GPC5: variants seen among roughly 807,000 people sequenced by gnomAD.
GPC5 encodes the protein glypican-5.
A neutral mutation model predicts 53.9 loss-of-function variants in GPC5; 47 were observed. The ratio of observed to expected loss-of-function variants is 0.87; its 90% CI spans 0.69 to 1.11. The LOEUF is 1.11. Among genes scored for constraint, GPC5 ranks in the 50% most tolerant of loss-of-function variants. The pLI, the probability that GPC5 is intolerant of heterozygous loss-of-function variation, is 0.00. For missense variants in GPC5, 748 were observed against 713.1 expected (o/e 1.05, Z -0.56); for synonymous variants, 286 against 263.3 (o/e 1.09, Z -0.84).
chr13:92,290,805 A>G (rs1329668419), intron 7 of GPC5, among the ~76,000 whole-genome samples: 1 of 152,170 alleles, frequency 6.6e-6, no homozygotes, highest in Non-Finnish European at 1.5e-5. Context: ...GGAGCCCTTC[A>G]GCCCGCTGCT....
chr13:92,073,427 C>A (rs982336729), intron 6 of GPC5, among the ~76,000 whole-genome samples: 1 of 152,108 alleles, frequency 6.6e-6, no homozygotes, highest in Non-Finnish European at 1.5e-5. Flanking sequence ...TCAGGGTTTC[C>A]AAGGCATTAA....
intron 7 of GPC5, among the ~76,000 whole-genome samples, chr13:92,833,546 C>T (rs1878121614): frequency 1.3e-5 from 2 of 152,114 alleles, no homozygotes; most frequent in African/African-American, 2.4e-5. Context: ...ATCCTCTGCA[C>T]TGTGAAATAT....
intron 3 of GPC5, among the ~76,000 whole-genome samples, chr13:91,718,256 G>T (rs898787850): frequency 6.6e-6 from 1 of 152,022 alleles, no homozygotes. Flanking sequence ...GACTACAGGC[G>T]TCTGCCACCA....
intron 2 of GPC5, among the ~76,000 whole-genome samples, chr13:91,677,575 T>A (rs1404390893): frequency 6.6e-6 from 1 of 152,144 alleles, no homozygotes; most frequent in Non-Finnish European, 1.5e-5. Flanking sequence ...ATCTGTCAAG[T>A]TCTTTTGCAT....
At chr13:92,477,431 A>G (rs540178814) in intron 7 of GPC5, among the ~76,000 whole-genome samples, 16 of 152,194 alleles carry the variant, frequency 1.1e-4, no homozygotes, top group Middle Eastern at 3.4e-3. Flanking sequence ...TATCTGCAGG[A>G]CCTTAGTAAA....
intron 7 of GPC5, among the ~76,000 whole-genome samples, chr13:92,423,636 G>A (rs923390695): frequency 6.6e-6 from 1 of 152,156 alleles, no homozygotes; most frequent in Non-Finnish European, 1.5e-5. Context: ...AAATGCCTTA[G>A]CTAAATGGTA....
At chr13:91,684,304 G>T (rs1271940410) in intron 2 of GPC5, among the ~76,000 whole-genome samples, 1 of 152,002 alleles carries the variant, frequency 6.6e-6, no homozygotes, top group African/African-American at 2.4e-5. Flanking sequence ...CTTTTCCTGA[G>T]ACTCCAATTA....
At chr13:91,975,877 C>G (rs376701887) in intron 6 of GPC5, among the ~76,000 whole-genome samples, 1 of 152,126 alleles carries the variant, frequency 6.6e-6, no homozygotes, top group Non-Finnish European at 1.5e-5. Context: ...AACCCAAATG[C>G]CCAACAATGA....
At chr13:91,767,760 A>C (rs932950271) in intron 5 of GPC5, among the ~76,000 whole-genome samples, 1 of 152,194 alleles carries the variant, frequency 6.6e-6, no homozygotes, top group African/African-American at 2.4e-5. Context: ...GGAAGATAAA[A>C]AGATAAAAGA....
chr13:92,017,632 AAT>A (rs779649371), intron 6 of GPC5, among the ~76,000 whole-genome samples: 16 of 152,172 alleles, frequency 1.1e-4, no homozygotes, highest in Non-Finnish European at 1.8e-4. Context: ...TTCATATAAA[AAT>A]ATGATTCAGT....
chr13:92,563,393 G>T (rs965638446), intron 7 of GPC5, among the ~76,000 whole-genome samples: 2 of 151,748 alleles, frequency 1.3e-5, no homozygotes, highest in African/African-American at 4.8e-5. Flanking sequence ...AGATCCAAAG[G>T]CCATTTTCTA....
intron 7 of GPC5, among the ~76,000 whole-genome samples, chr13:92,565,175 G>A (rs1025449205): frequency 7.9e-5 from 12 of 151,938 alleles, no homozygotes; most frequent in African/African-American, 1.9e-4. Flanking sequence ...TAAAGAATAC[G>A]TAAATATTTT....
chr13:92,166,060 G>A (rs894464161), intron 7 of GPC5, among the ~76,000 whole-genome samples: 10 of 152,156 alleles, frequency 6.6e-5, no homozygotes, highest in South Asian at 2.1e-4. Flanking sequence ...GTATGTGGGC[G>A]AAATAGAAAA....
chr13:91,829,716 A>C (rs1327246158), intron 5 of GPC5, among the ~76,000 whole-genome samples: 1 of 152,050 alleles, frequency 6.6e-6, no homozygotes, highest in Non-Finnish European at 1.5e-5. Context: ...CAGAGTACAA[A>C]AGAGAGAAAT....
At chr13:91,515,413 G>A (rs947289639) in intron 2 of GPC5, among the ~76,000 whole-genome samples, 6 of 152,064 alleles carry the variant, frequency 3.9e-5, no homozygotes, top group Non-Finnish European at 7.4e-5. Flanking sequence ...TTTGTGCCAG[G>A]CATCTTCCTC....
intron 2 of GPC5, among the ~76,000 whole-genome samples, chr13:91,542,128 T>C (rs2029979754): frequency 6.6e-6 from 1 of 152,078 alleles, no homozygotes; most frequent in Non-Finnish European, 1.5e-5. Context: ...AGTATATTGT[T>C]GAGAAAATGT....
chr13:92,710,085 A>T (rs1888083074), intron 7 of GPC5, among the ~76,000 whole-genome samples: 1 of 152,232 alleles, frequency 6.6e-6, no homozygotes, highest in Admixed American at 6.5e-5. Context: ...ATAAGTTTCT[A>T]GCCTGTACAT....
intron 5 of GPC5, among the ~76,000 whole-genome samples, chr13:91,767,010 A>G (rs1042335514): frequency 2.0e-5 from 3 of 152,232 alleles, no homozygotes; most frequent in Admixed American, 2.0e-4. Context: ...ATTTACTTCA[A>G]TGGAAATGAA....
At chr13:91,949,351 A>G (rs2040005023) in intron 6 of GPC5, among the ~76,000 whole-genome samples, 1 of 152,252 alleles carries the variant, frequency 6.6e-6, no homozygotes, top group South Asian at 2.1e-4. Flanking sequence ...AAATGGTTTT[A>G]CCACTACAGT....
Sources: gnomAD v4.1 joint callset for allele counts (sites outside exome capture counted in the v4.1 genomes callset) on GRCh38, gnomAD v4.1.1 for gene constraint, MANE v1.5 for transcripts, NCBI Gene and HGNC (gene_info 2026-07-23, HGNC 2026-07-21) for gene names.